The following ARHGEF6 variants were observed in gnomAD, a reference collection of about 807,000 sequenced individuals.
The protein encoded by ARHGEF6 is Rac/Cdc42 guanine nucleotide exchange factor 6.
In ARHGEF6, 9 loss-of-function variants were observed where a neutral mutation model predicts 70.3. The ratio of observed to expected loss-of-function variants is 0.13; its 90% confidence interval spans 0.08 to 0.22. The LOEUF is 0.22. Ranked by LOEUF, ARHGEF6 falls within the 10% of genes least tolerant of loss-of-function variation. The pLI is 1.00. For synonymous variants in ARHGEF6, 201 were observed against 207.8 expected (o/e 0.97, Z 0.28); for missense variants, 470 against 563.0 (o/e 0.83, Z 1.67).
At chrX:136,683,014 T>C (rs987634603) in intron 12 of ARHGEF6, among the ~76,000 whole-genome samples, 170 bp from the exon 13 acceptor site, 2 of 111,741 alleles carry the variant, frequency 1.8e-5, no homozygotes. Context: ...ACTAGTTGAA[T>C]TTTACTTTGA....
intron 2 of ARHGEF6, among the ~76,000 whole-genome samples, chrX:136,773,630 T>C (rs1256050347): frequency 2.0e-4 from 23 of 112,549 alleles, no homozygotes; most frequent in Admixed American, 9.4e-5. Context: ...ACAGCTATTG[T>C]GTATGCCTTA....
chrX:136,739,439 T>G (rs1344784104), intron 5 of ARHGEF6, among the ~76,000 whole-genome samples: 5 of 111,934 alleles, frequency 4.5e-5, no homozygotes, highest in African/African-American at 1.6e-4. Flanking sequence ...AGATTGCGCC[T>G]AGGAGGTACT....
chrX:136,740,713 T>C (rs1173165676), intron 5 of ARHGEF6, among the ~76,000 whole-genome samples: 1 of 111,609 alleles, frequency 9.0e-6, no homozygotes, highest in Non-Finnish European at 1.9e-5. Context: ...AGGGACATTA[T>C]AAGGAGAGTC....
At chrX:136,722,270 A>T (rs1031556694) in intron 6 of ARHGEF6, among the ~76,000 whole-genome samples, 5 of 112,083 alleles carry the variant, frequency 4.5e-5, no homozygotes, top group African/African-American at 1.6e-4. Context: ...TCAATTTGGC[A>T]ATGGATTCTT....
At chrX:136,715,090 C>T (rs1273671854) in intron 6 of ARHGEF6, among the ~76,000 whole-genome samples, 5 of 111,241 alleles carry the variant, frequency 4.5e-5, no homozygotes, top group African/African-American at 1.3e-4. Flanking sequence ...TTCAAAAGCT[C>T]GGGCTTAAAT....
intron 2 of ARHGEF6, among the ~76,000 whole-genome samples, chrX:136,748,006 C>G (rs1258152429): frequency 1.8e-5 from 2 of 111,979 alleles, no homozygotes; most frequent in Non-Finnish European, 3.8e-5. Flanking sequence ...GGAGGTGGAG[C>G]CTTTTTGACA....
Position 136,748,160 on chromosome X carries a change from C to T in ARHGEF6, c.250-568G>A, listed in dbSNP as rs147742544. Among the ~76,000 whole-genome samples, 1,050 of 111,783 alleles carry T rather than the reference C, an allele frequency of 9.4e-3. 12 individuals are homozygous for T. Among genetic ancestry groups the T allele is most frequent in the African/African-American group, 0.032 (993 of 30,754 alleles). On this transcript the variant is annotated intron_variant, in intron 2 of 21. Coordinates refer to ENST00000250617, the MANE Select transcript of ARHGEF6 (RefSeq NM_004840.3). ...AATTCCATGTTGCCCAAACTTTCTG[C>T]CCAGGTCTGCCTTTTGCTCCCAGCT...
In ARHGEF6 at chrX:136,704,313, C is replaced by T. The variant is rs113577870; in HGVS notation, c.1046+2595G>A. On this transcript the variant is annotated intron_variant, in intron 9 of 21. Transcript: ENST00000250617. ...GAATATATTAAAAACCACTGAATTGCGTAGTTTAACATCGTGAATTTTATG... is the reference window on the plus strand; with the variant it reads ...GAATATATTAAAAACCACTGAATTGTGTAGTTTAACATCGTGAATTTTATG... 4.2e-3 allele frequency among the ~76,000 whole-genome samples: 473 copies of T among 111,755 alleles called. 2 individuals carry two copies. The highest frequency in any genetic ancestry group is 0.014 in the African/African-American group (432 of 30,760).
chrX:136,680,544 T>C (rs2076323060), intron 15 of ARHGEF6, among the ~76,000 whole-genome samples, 187 bp downstream of exon 15: 1 of 112,225 alleles, frequency 8.9e-6, no homozygotes, highest in Non-Finnish European at 1.9e-5. Flanking sequence ...AAGTAAACCT[T>C]TTCATTAATT....
At chrX:136,761,707 A>G (rs2077265040) in intron 2 of ARHGEF6, among the ~76,000 whole-genome samples, 1 of 112,078 alleles carries the variant, frequency 8.9e-6, no homozygotes, top group South Asian at 3.7e-4. Context: ...ATTAGAAAAT[A>G]TGTGAGGATT....
chrX:136,730,788 T>TTA (rs1455428619), intron 6 of ARHGEF6, among the ~76,000 whole-genome samples: 1 of 111,471 alleles, frequency 9.0e-6, no homozygotes, highest in African/African-American at 3.3e-5. Context: ...AGTTCGACCA[T>TTA]TATATATATA....
At chrX:136,731,879 C>T (rs899667475) in intron 6 of ARHGEF6, among the ~76,000 whole-genome samples, 4 of 111,985 alleles carry the variant, frequency 3.6e-5, no homozygotes, top group Non-Finnish European at 5.6e-5. Context: ...GCTGTGAATC[C>T]GTGCTACCTT....
intron 14 of ARHGEF6, 72 bp downstream of exon 14, chrX:136,681,818 T>A (rs1052741533): frequency 4.6e-5 from 45 of 969,543 alleles, no homozygotes; most frequent in Non-Finnish European, 6.5e-5. Flanking sequence ...AATAATGGCA[T>A]TTATTTATTA....
At chrX:136,771,905 G>A (rs1485941953) in intron 2 of ARHGEF6, among the ~76,000 whole-genome samples, 1 of 112,006 alleles carries the variant, frequency 8.9e-6, no homozygotes, top group Non-Finnish European at 1.9e-5. Context: ...CCACTGCTGG[G>A]TATGTTACCC....
intron 11 of ARHGEF6, among the ~76,000 whole-genome samples, chrX:136,687,460 T>C (rs2076415547): frequency 8.9e-6 from 1 of 112,580 alleles, no homozygotes; most frequent in Non-Finnish European, 1.9e-5. Flanking sequence ...GCAACCTATA[T>C]AAAGCACTTG....
chrX:136,711,812 C>T (rs985163497), intron 7 of ARHGEF6, among the ~76,000 whole-genome samples: 2 of 112,238 alleles, frequency 1.8e-5, no homozygotes, highest in Admixed American at 9.4e-5. Flanking sequence ...CCACCCGCCT[C>T]GGCCTCCCAC....
At chrX:136,767,672 G>A in intron 2 of ARHGEF6, 1 of 754,483 alleles carries the variant, frequency 1.3e-6, no homozygotes, top group Admixed American at 8.5e-5. Flanking sequence ...AGCCCGCGAA[G>A]CTTCTCCAGA....
chrX:136,712,718 C>T (rs1370170644), intron 7 of ARHGEF6, among the ~76,000 whole-genome samples: 1 of 112,489 alleles, frequency 8.9e-6, no homozygotes, highest in Non-Finnish European at 1.9e-5. Flanking sequence ...AGGCTTTACA[C>T]AATCACTTCA....
intron 5 of ARHGEF6, among the ~76,000 whole-genome samples, chrX:136,738,085 A>G (rs1376023957): frequency 1.8e-5 from 2 of 109,602 alleles, no homozygotes; most frequent in Non-Finnish European, 3.8e-5. Flanking sequence ...CTTAAGCCCT[A>G]TGTCCTCCAT....
Sources: allele counts gnomAD v4.1 joint callset (sites outside exome capture counted in the v4.1 genomes callset), GRCh38; gene constraint gnomAD v4.1.1; transcripts MANE v1.5; gene names NCBI Gene and HGNC (gene_info 2026-07-23, HGNC 2026-07-21).